The following PTPN3 variants were observed in gnomAD, a reference collection of about 807,000 sequenced individuals.
PTPN3 encodes tyrosine-protein phosphatase non-receptor type 3.
A neutral mutation model predicts 132.7 loss-of-function variants in PTPN3; 96 were observed. The observed-to-expected ratio is 0.72, with a 90% confidence interval of 0.61 to 0.86. The LOEUF (loss-of-function observed/expected upper bound fraction) is 0.86. Among genes scored for constraint, PTPN3 ranks in the 40% least tolerant of loss-of-function variants. The probability of loss-of-function intolerance (pLI) is 0.00; values close to 1 mark genes in which losing one functional copy is unlikely to be tolerated. For missense variants in PTPN3, 1,125 were observed against 1,159.6 expected (o/e 0.97, Z 0.43); for synonymous variants, 398 against 429.0 (o/e 0.93, Z 0.89).
At chr9:109,437,974 G>C in intron 8 of PTPN3, 140 bp downstream of exon 8, 2 of 1,050,262 alleles carry the variant, frequency 1.9e-6, no homozygotes, top group Non-Finnish European at 2.7e-6. Context: ...CACCATACCA[G>C]CTCAAAGGTT....
At position 109,426,994 on chromosome 9, in the gene PTPN3, A is replaced by G. The variant is rs981042681; in HGVS notation, c.957T>C (p.Asn319=). 6 of 1,613,872 alleles carry G rather than the reference A, an allele frequency of 3.7e-6. No homozygotes were observed. In the East Asian group the frequency reaches 6.7e-5, roughly 18 times the overall value. Residue 319 remains asparagine (N), a synonymous_variant, in exon 12 of 26, where the codon AAT becomes AAC. Coordinates refer to ENST00000374541, the MANE Select transcript of PTPN3 (RefSeq NM_002829.4). ...QAKKLLPQEK[N]VLSQYWTMGS... The stretch of plus-strand genomic sequence containing the variant: ...CCATAGTCCAGTACTGAGACAGAAC[A>G]TTCTTTTCCTGAGGTAGTAGCTTCT...
At chr9:109,483,027 G>C (rs1339455094) in intron 1 of PTPN3, among the ~76,000 whole-genome samples, 1 of 152,192 alleles carries the variant, frequency 6.6e-6, no homozygotes, top group East Asian at 1.9e-4. Flanking sequence ...GAAAAGTCTT[G>C]ATCCCCAGTC....
the PTPN3 span, chr9:109,533,861 T>C: frequency 2.5e-6 from 2 of 794,904 alleles, no homozygotes; most frequent in Non-Finnish European, 4.4e-6. Flanking sequence ...TTGCTGGTAA[T>C]TGGGTGGAGG....
rs575459630 is a variant in PTPN3 at position 109,389,163 on chromosome 9, G to A, written c.2253+70C>T. ...GGAGACGCTGAAGACCCTTCTCAGC[G>A]CTGAGATTCATGTTACACAGAGTAG... On this transcript the variant is annotated intron_variant, in intron 22 of 25. Transcript: ENST00000374541. 211 of 1,565,386 alleles carry A rather than the reference G, an allele frequency of 1.3e-4. 2 individuals are homozygous for A. In the South Asian group the frequency reaches 2.3e-3, roughly 17 times the overall value.
chr9:109,408,786 A>ATATATATATATAT (rs1420542134), intron 16 of PTPN3, among the ~76,000 whole-genome samples: 3 of 43,074 alleles, frequency 7.0e-5, no homozygotes, highest in Non-Finnish European at 5.0e-5. Context: ...ATAATTAAAA[A>ATATATATATATAT]AAAAAAAAAA....
chr9:109,510,572 AAAAAATAT>A, the PTPN3 span, among the ~76,000 whole-genome samples: 3 of 55,210 alleles, frequency 5.4e-5, no homozygotes, highest in Non-Finnish European at 1.1e-4. Flanking sequence ...AAAAAAAAAA[AAAAAATAT>A]ATATATATAT....
intron 14 of PTPN3, among the ~76,000 whole-genome samples, chr9:109,419,956 ATT>A (rs1451951325): frequency 6.6e-6 from 1 of 152,232 alleles, no homozygotes; most frequent in African/African-American, 2.4e-5. Flanking sequence ...TATACTAACT[ATT>A]AATTGAAAAC....
intron 10 of PTPN3, 71 bp from the exon 11 acceptor site, chr9:109,428,755 A>G: frequency 2.6e-6 from 4 of 1,544,880 alleles, no homozygotes; most frequent in Non-Finnish European, 3.5e-6. Context: ...ATGCCTCTCA[A>G]TGCATGTCCT....
intron 4 of PTPN3, among the ~76,000 whole-genome samples, chr9:109,456,756 T>C (rs769179117): frequency 6.6e-6 from 1 of 152,204 alleles, no homozygotes; most frequent in Non-Finnish European, 1.5e-5. Context: ...ATTGGTGACA[T>C]TACCTACTTA....
chr9:109,447,573 G>T (rs1238204177), intron 6 of PTPN3, among the ~76,000 whole-genome samples: 1 of 152,142 alleles, frequency 6.6e-6, no homozygotes, highest in Non-Finnish European at 1.5e-5. Context: ...AATTCTATGA[G>T]TGCTCAATAG....
intron 12 of PTPN3, among the ~76,000 whole-genome samples, chr9:109,426,115 A>G (rs1843263364): frequency 6.6e-6 from 1 of 151,100 alleles, no homozygotes; most frequent in Non-Finnish European, 1.5e-5. Flanking sequence ...CTTAGAACAA[A>G]GAAAACAAAA....
At chr9:109,513,979 C>T in the PTPN3 span, among the ~76,000 whole-genome samples, 2 of 152,174 alleles carry the variant, frequency 1.3e-5, no homozygotes, top group Admixed American at 1.3e-4. Context: ...TAACAAGCCC[C>T]AAGCTAACAG....
At chr9:109,424,543 C>G (rs1843106624) in intron 12 of PTPN3, among the ~76,000 whole-genome samples, 2 of 152,374 alleles carry the variant, frequency 1.3e-5, no homozygotes, top group African/African-American at 4.8e-5. Flanking sequence ...CTGAACGGTT[C>G]TGCCTTTCGC....
chr9:109,428,835 AGCCCCACT>A (rs1388620152), intron 10 of PTPN3, 151 bp from the exon 11 acceptor site: 2 of 1,428,660 alleles, frequency 1.4e-6, no homozygotes, highest in Non-Finnish European at 1.8e-6. Context: ...AAATGATGGC[AGCCCCACT>A]GCCGCAGGCT....
Position 109,448,852 on chromosome 9 carries a change from G to C in PTPN3, c.372C>G (p.His124Gln). 6.3e-7 allele frequency: 1 copy of C among 1,587,176 alleles called. No homozygotes were observed. The highest frequency in any genetic ancestry group is 8.5e-7 in the Non-Finnish European group (1 of 1,169,770). Reference sequence around the variant, plus strand: ...CCATCTTCAGTTGTAAGAAATACAAGTGCCTATGAAACAATTGTTTTCATT... The same window carrying C: ...CCATCTTCAGTTGTAAGAAATACAACTGCCTATGAAACAATTGTTTTCATT... Reference protein sequence around the residue: ...PNTLQQEQTRHLYFLQLKMDI... With the variant: ...PNTLQQEQTRQLYFLQLKMDI... Residue 124 changes from histidine (H) to glutamine (Q), a missense_variant, in exon 6 of 26, where the codon CAC becomes CAG. By Grantham distance (24) the His-to-Gln change is conservative. Transcript: ENST00000374541.
Position 109,438,168 on chromosome 9 carries a change from G to C in PTPN3, c.533C>G (p.Pro178Arg), listed in dbSNP as rs781054586. ...TGTTAAAAAGTCCTCATTTTGATCGGGTATAAAGTGACTATCGGAAAGATA... is the reference window on the plus strand; with the variant it reads ...TGTTAAAAAGTCCTCATTTTGATCGCGTATAAAGTGACTATCGGAAAGATA... ...PGYLSDSHFIPDQNEDFLTKV... is the reference protein window; with the variant it reads ...PGYLSDSHFIRDQNEDFLTKV... Residue 178 changes from proline (P) to arginine (R), a missense_variant, in exon 8 of 26, where the codon CCC becomes CGC. By Grantham distance (103) the Pro-to-Arg change is moderately radical (BLOSUM62 -2). Coordinates refer to ENST00000374541, the MANE Select transcript of PTPN3 (RefSeq NM_002829.4). 1.9e-6 allele frequency: 3 copies of C among 1,613,666 alleles called. No individual in the cohort carries two copies. Among genetic ancestry groups the C allele is most frequent in the Admixed American group, 1.7e-5 (1 of 59,998 alleles).
chr9:109,512,159 A>G, the PTPN3 span, among the ~76,000 whole-genome samples: 5 of 152,184 alleles, frequency 3.3e-5, no homozygotes, highest in African/African-American at 4.8e-5. Context: ...AAAAGAGGCA[A>G]TTGACCAATC....
chr9:109,393,095 T>A (rs910940111), intron 19 of PTPN3: 1 of 152,198 alleles, frequency 6.6e-6, no homozygotes, highest in Non-Finnish European at 1.5e-5. Context: ...GCTAAACATA[T>A]CTCAAGCTAA....
rs1284307153 is a variant in PTPN3 at position 109,463,310 on chromosome 9, G to C, written c.125C>G (p.Thr42Ser). 1 of 1,609,486 alleles carries C rather than the reference G, an allele frequency of 6.2e-7. No homozygotes were observed. The highest frequency in any genetic ancestry group is 1.1e-5 in the South Asian group (1 of 89,802). ...SIHFLDGVVQ[T>S]FKVTKQDTGQ... is the part of the protein sequence containing the mutation. The stretch of plus-strand genomic sequence containing the variant: ...TAGAGAACTTACAGTAACTTTAAAG[G>C]TCTGTACCACGCCATCTAAAAAGTG... The change falls in exon 2 of 26, where the codon ACC becomes AGC. Residue 42 changes from threonine (T) to serine (S), a missense_variant. Coordinates refer to ENST00000374541, the MANE Select transcript of PTPN3 (RefSeq NM_002829.4).
Sources: gnomAD v4.1 joint callset for allele counts (sites outside exome capture counted in the v4.1 genomes callset) on GRCh38, gnomAD v4.1.1 for gene constraint, MANE v1.5 for transcripts, NCBI Gene and HGNC (gene_info 2026-07-23, HGNC 2026-07-21) for gene names.